DENND6A: variants seen among roughly 807,000 people sequenced by gnomAD.
DENND6A encodes the protein DENN domain containing 6A, also known as protein DENND6A.
DENND6A carries 43 observed loss-of-function variants against 95.5 expected under a neutral mutation model. That is an observed-to-expected ratio of 0.45 (90% CI 0.35 to 0.58). The LOEUF is 0.58. DENND6A is among the 20% of genes least tolerant of loss of function. The pLI, the probability that DENND6A is intolerant of heterozygous loss-of-function variation, is 0.00. For synonymous variants in DENND6A, 257 were observed against 260.4 expected (o/e 0.99, Z 0.13); for missense variants, 574 against 736.0 (o/e 0.78, Z 2.55).
At chr3:57,647,039 C>T (rs1029237017) in intron 9 of DENND6A, among the ~76,000 whole-genome samples, 2 of 152,134 alleles carry the variant, frequency 1.3e-5, no homozygotes, top group Non-Finnish European at 2.9e-5. Context: ...GCCTAAGACA[C>T]TTGGTAACTT....
intron 1 of DENND6A, among the ~76,000 whole-genome samples, chr3:57,683,969 A>C (rs1446826791): frequency 6.6e-6 from 1 of 152,066 alleles, no homozygotes; most frequent in East Asian, 1.9e-4. Context: ...TCTAGCCAAG[A>C]TGGTGAAACC....
intron 3 of DENND6A, among the ~76,000 whole-genome samples, chr3:57,669,559 C>G (rs2071580301): frequency 6.6e-6 from 1 of 150,468 alleles, no homozygotes; most frequent in African/African-American, 2.4e-5. Flanking sequence ...ACTAAAAATG[C>G]AAAAAATTAG....
chr3:57,631,913 G>A (rs1475844502), intron 15 of DENND6A, among the ~76,000 whole-genome samples: 2 of 147,908 alleles, frequency 1.4e-5, no homozygotes, highest in African/African-American at 5.0e-5. Flanking sequence ...TAGTAGAGAC[G>A]GGGTTTCACC....
chr3:57,679,791 G>T (rs2077144619), intron 1 of DENND6A, among the ~76,000 whole-genome samples: 1 of 152,194 alleles, frequency 6.6e-6, no homozygotes. Flanking sequence ...AGCTGCTGGA[G>T]AATTTTTAAC....
chr3:57,658,269 C>A (rs181825266), intron 8 of DENND6A, among the ~76,000 whole-genome samples: 2 of 152,108 alleles, frequency 1.3e-5, no homozygotes, highest in East Asian at 3.9e-4. Flanking sequence ...CAAGCTCATG[C>A]CTGTAATCCT....
intron 15 of DENND6A, 107 bp downstream of exon 15, chr3:57,633,158 G>A: frequency 2.2e-6 from 2 of 915,916 alleles, no homozygotes; most frequent in Non-Finnish European, 3.4e-6. Flanking sequence ...AAATATACCA[G>A]GCTGGCAAAA....
intron 1 of DENND6A, among the ~76,000 whole-genome samples, chr3:57,682,688 G>C (rs1206251326): frequency 1.3e-5 from 2 of 151,596 alleles, no homozygotes; most frequent in Admixed American, 1.3e-4. Context: ...GTTTTGTTTT[G>C]TTTTTGAGAT....
At chr3:57,670,185 C>T (rs184189826) in intron 3 of DENND6A, among the ~76,000 whole-genome samples, 2 of 152,076 alleles carry the variant, frequency 1.3e-5, no homozygotes, top group South Asian at 2.1e-4. Flanking sequence ...TGTATGCATG[C>T]GGGGGACTTT....
At position 57,626,137 on chromosome 3, in the gene DENND6A, C is replaced by T. The variant is rs569841051; in HGVS notation, c.*2077G>A. The T allele has an allele frequency of 2.0e-5, 3 of 152,634 alleles. No individual in the cohort carries two copies. The highest frequency in any genetic ancestry group is 6.5e-5 in the Admixed American group (1 of 15,296). 9.5% of individuals were successfully genotyped at this position (152,634 alleles called of 1,614,324 possible). A position where few individuals can be genotyped will look rare whatever the true frequency, so the allele number is the denominator to read the frequency against. On this transcript the variant is annotated 3_prime_UTR_variant, in exon 20 of 20. Transcript: ENST00000311128. ...AATAACTCATATGATCCAAGGCAAA[C>T]GATTTCTTTCAAATGCCATATTCTC...
rs146278953 is a variant in DENND6A at position 57,642,073 on chromosome 3, C to T, written c.1038-326G>A. Among the ~76,000 whole-genome samples the T allele has an allele frequency of 6.1e-3, 934 of 151,880 alleles. 30 individuals are homozygous for T. The highest frequency in any genetic ancestry group is 0.049 in the Admixed American group (747 of 15,250). On this transcript the variant is annotated intron_variant, in intron 11 of 19. Transcript: ENST00000311128. ...TTCACGCCTGTAATCCCAGCACTTT[C>T]GGAGGCTGAGGCGGGCAGATCACGA...
chr3:57,646,286 A>C (rs1259314791), intron 10 of DENND6A, 30 bp downstream of exon 10: 3 of 1,585,748 alleles, frequency 1.9e-6, no homozygotes, highest in Admixed American at 1.9e-5. Flanking sequence ...CCAAAAAAAA[A>C]ACCCAGAAAT....
chr3:57,668,947 A>G (rs1270051104), intron 3 of DENND6A, among the ~76,000 whole-genome samples: 1 of 152,238 alleles, frequency 6.6e-6, no homozygotes, highest in South Asian at 2.1e-4. Context: ...ATCTCGGCTC[A>G]CTGCAACCTC....
rs531804527 is a variant in DENND6A at position 57,640,142 on chromosome 3, G to A, written c.1132+1511C>T. Among the ~76,000 whole-genome samples, 44 of 151,758 alleles carry A rather than the reference G, an allele frequency of 2.9e-4. 1 individual carries two copies. The South Asian group carries it at 8.8e-3, about 30-fold the overall frequency. The stretch of plus-strand genomic sequence containing the variant: ...AAATTAGCCAGGCGTGGTGGTGGGC[G>A]CCTGTAATCCCAGCTCCTTGGGAGG... On this transcript the variant is annotated intron_variant, in intron 12 of 19. Transcript: ENST00000311128.
intron 1 of DENND6A, among the ~76,000 whole-genome samples, chr3:57,674,670 A>G (rs1232386900): frequency 2.0e-5 from 3 of 152,290 alleles, no homozygotes; most frequent in East Asian, 3.9e-4. Context: ...AAATAAATAA[A>G]TAACTAGTTC....
intron 15 of DENND6A, among the ~76,000 whole-genome samples, chr3:57,632,654 T>C (rs1207134533): frequency 6.6e-6 from 1 of 152,184 alleles, no homozygotes; most frequent in Non-Finnish European, 1.5e-5. Context: ...TATTAATAAC[T>C]GCAAAAAGTT....
At chr3:57,635,910 A>T (rs2153412527) in intron 12 of DENND6A, among the ~76,000 whole-genome samples, 1 of 152,288 alleles carries the variant, frequency 6.6e-6, no homozygotes, top group Admixed American at 6.5e-5. Flanking sequence ...CTCAGTGTGA[A>T]GGCTATGAGG....
rs916181706 is a variant in DENND6A at position 57,630,618 on chromosome 3, T to C, written c.1518-95A>G. 5 of 1,523,694 alleles carry C rather than the reference T, an allele frequency of 3.3e-6. No homozygotes were observed. The African/African-American group carries it at 7.0e-5, about 21-fold the overall frequency. The allele number at this position is 1,523,694 out of a possible 1,614,324, so 94.4% of individuals were successfully genotyped here. A position where few individuals can be genotyped will look rare whatever the true frequency, so the allele number is the denominator to read the frequency against. The stretch of plus-strand genomic sequence containing the variant: ...GTCAGAGAACCATGTCAAACTTTAG[T>C]AGAATTTTTTAAAAAGAATAAGCTT... On this transcript the variant is annotated intron_variant, in intron 17 of 19. Coordinates refer to ENST00000311128, the MANE Select transcript of DENND6A (RefSeq NM_152678.3).
chr3:57,628,532 G>T (rs996369519), intron 19 of DENND6A, among the ~76,000 whole-genome samples, 187 bp from the exon 20 acceptor site: 1 of 152,184 alleles, frequency 6.6e-6, no homozygotes, highest in Non-Finnish European at 1.5e-5. Context: ...TCAATAAAAG[G>T]CTTCTATGTA....
In DENND6A at chr3:57,626,222, T is replaced by A. The variant is rs2070524591; in HGVS notation, c.*1992A>T. ...TCCATAAGAACAGGGCACATTTGGG[T>A]ATTAGACCACAGTTACAAACGCAAG... On this transcript the variant is annotated 3_prime_UTR_variant, in exon 20 of 20. Transcript: ENST00000311128. 1 of 152,610 alleles carries A rather than the reference T, an allele frequency of 6.6e-6. No homozygotes were observed. The highest frequency in any genetic ancestry group is 1.5e-5 in the Non-Finnish European group (1 of 68,032). The allele number at this position is 152,610 out of a possible 1,614,324, so 9.5% of individuals were successfully genotyped here. A position where few individuals can be genotyped will look rare whatever the true frequency, so the allele number is the denominator to read the frequency against.
Sources: gnomAD v4.1 joint callset for allele counts (sites outside exome capture counted in the v4.1 genomes callset) on GRCh38, gnomAD v4.1.1 for gene constraint, MANE v1.5 for transcripts, NCBI Gene and HGNC (gene_info 2026-07-23, HGNC 2026-07-21) for gene names.